Variants in CHRM1 observed in about 807,000 individuals in gnomAD.
CHRM1 encodes the protein muscarinic acetylcholine receptor M1.
Under a neutral mutation model 31.6 loss-of-function variants are expected in CHRM1, and 5 were observed. That is an observed-to-expected ratio of 0.16 (90% CI 0.08 to 0.33). The LOEUF (loss-of-function observed/expected upper bound fraction) is 0.33, where lower values mean the gene tolerates loss of function less well. Ranked by LOEUF, CHRM1 falls within the 10% of genes least tolerant of loss-of-function variation. The pLI is 1.00. For synonymous variants in CHRM1, 227 were observed against 249.7 expected (o/e 0.91, Z 0.86); for missense variants, 338 against 610.3 (o/e 0.55, Z 4.70).
chr11:62,920,723 G>C (rs557332357), intron 1 of CHRM1: 1 of 152,198 alleles, frequency 6.6e-6, no homozygotes, highest in Admixed American at 6.5e-5. Context: ...AGTCCATCTT[G>C]GGGGAGCTGA....
chr11:62,910,899 C>T lies in CHRM1; in HGVS notation c.202G>A (p.Ala68Thr). 1 of 1,614,152 alleles carries T rather than the reference C, an allele frequency of 6.2e-7. No individual in the cohort carries two copies. The highest frequency in any genetic ancestry group is 1.1e-5 in the South Asian group (1 of 91,084). The part of the protein sequence containing the change: ...TVNNYFLLSL[A>T]CADLIIGTFS... Reference sequence around the variant, plus strand: ...GTACCGATGATGAGGTCAGCACAGGCCAGGCTCAGCAGGAAGTAGTTATTG... The same window carrying T: ...GTACCGATGATGAGGTCAGCACAGGTCAGGCTCAGCAGGAAGTAGTTATTG... The change falls in exon 2 of 2, where the codon GCC becomes ACC. Residue 68 changes from alanine (A) to threonine (T), a missense_variant. Physicochemically the swap from Ala to Thr is moderately conservative, Grantham distance 58 (BLOSUM62 0). This residue lies in a region of CHRM1 where 85 missense variants were observed against 257.7 expected (regional missense o/e 0.33). Transcript: ENST00000306960. This position sits in a 1 kb window ranked among gnomAD's most constrained non-coding sequence, Gnocchi z 8.7.
At chr11:62,911,767 G>T (rs1167551199) in intron 1 of CHRM1, among the ~76,000 whole-genome samples, 1 of 152,136 alleles carries the variant, frequency 6.6e-6, no homozygotes, top group Non-Finnish European at 1.5e-5. Context: ...GAACAGAAAT[G>T]TGTCCTAAAA....
Position 62,911,040 on chromosome 11 carries a change from C to T in CHRM1, c.61G>A (p.Gly21Ser). 6.2e-7 allele frequency: 1 copy of T among 1,614,124 alleles called. No homozygotes were observed. Among genetic ancestry groups the T allele is most frequent in the Non-Finnish European group, 8.5e-7 (1 of 1,180,022 alleles). ...CCAATGAAGGCCACTTGCCAGGGACCCTTTCCTGGTGCCAGGACGGTGATG... is the reference window on the plus strand; with the variant it reads ...CCAATGAAGGCCACTTGCCAGGGACTCTTTCCTGGTGCCAGGACGGTGATG... ...PNITVLAPGK[G>S]PWQVAFIGIT... The change falls in exon 2 of 2, where the codon GGT (glycine) becomes AGT (serine). Residue 21 changes from glycine (G) to serine (S), a missense_variant. Transcript: ENST00000306960.
intron 1 of CHRM1, among the ~76,000 whole-genome samples, chr11:62,912,069 A>G (rs1159083005): frequency 1.3e-5 from 2 of 152,106 alleles, no homozygotes; most frequent in South Asian, 2.1e-4. Context: ...CTCAGTTGCT[A>G]GTAAGAAGGT....
chr11:62,913,260 G>C (rs553360149), intron 1 of CHRM1, among the ~76,000 whole-genome samples: 1 of 152,222 alleles, frequency 6.6e-6, no homozygotes, highest in Non-Finnish European at 1.5e-5. Context: ...TTCAGGTGAT[G>C]AGGATTAAAT....
chr11:62,910,045 C>G lies in CHRM1; in HGVS notation c.1056G>C (p.Arg352=). The G allele has an allele frequency of 6.2e-7, 1 of 1,613,680 alleles. No individual in the cohort carries two copies. Among genetic ancestry groups the G allele is most frequent in the Non-Finnish European group, 8.5e-7 (1 of 1,179,996 alleles). Residue 352 remains arginine, a synonymous_variant, in exon 2 of 2, where the codon CGG becomes CGC. Coordinates refer to ENST00000306960, the MANE Select transcript of CHRM1 (RefSeq NM_000738.3). This position sits in a 1 kb window ranked among gnomAD's most constrained non-coding sequence, Gnocchi z 8.7. ...TCTCCTTGACCAGCGAGAAGGTCTT[C>G]CGCTTGGCCAGCTGCTCCTTTCCAC... ...KPRGKEQLAK[R]KTFSLVKEKK...
upstream of CHRM1, chr11:62,921,524 A>C (rs1215709346): frequency 6.6e-6 from 1 of 152,460 alleles, no homozygotes; most frequent in Non-Finnish European, 1.5e-5. Context: ...TCACCAGGGC[A>C]CCCAATTTGA....
Position 62,917,217 on chromosome 11 carries a change from G to A in CHRM1, c.-79+4001C>T, listed in dbSNP as rs1590652224. On this transcript the variant is annotated intron_variant, in intron 1 of 1. Coordinates refer to ENST00000306960, the MANE Select transcript of CHRM1 (RefSeq NM_000738.3). ...TGAAAGAATCTGGTTTCCCATGATT[G>A]TGGCAGATTCCCCTGGGGAGACCAG... Among the ~76,000 whole-genome samples the A allele has an allele frequency of 2.0e-5, 3 of 152,328 alleles. No homozygotes were observed. The Middle Eastern group carries it at 0.01, about 518-fold the overall frequency.
rs772689016 is a variant in CHRM1, at chr11:62,910,253, C to G, written c.848G>C (p.Gly283Ala). 6.2e-7 allele frequency: 1 copy of G among 1,613,398 alleles called. No individual in the cohort carries two copies. Among genetic ancestry groups the G allele is most frequent in the African/African-American group, 1.3e-5 (1 of 75,026 alleles). ...SWKEEEEEDE[G>A]SMESLTSSEG... is the part of the protein sequence containing the mutation. ...TGAGGATGTGAGGGACTCCATGGAGCCTTCGTCCTCTTCCTCTTCTTCCTT... is the reference window on the plus strand; with the variant it reads ...TGAGGATGTGAGGGACTCCATGGAGGCTTCGTCCTCTTCCTCTTCTTCCTT... Residue 283 changes from glycine (G) to alanine (A), a missense_variant, in exon 2 of 2, where the codon GGC becomes GCC. Physicochemically the swap from Gly to Ala is moderately conservative, Grantham distance 60. Coordinates refer to ENST00000306960, the MANE Select transcript of CHRM1 (RefSeq NM_000738.3). The surrounding 1 kb of genome is among the most constrained non-coding windows in gnomAD (Gnocchi z 8.7).
chr11:62,909,519 C>T lies in CHRM1; in HGVS notation c.*199G>A, dbSNP rs1028448381. ...GCAGGGAACAGAAAAACCAGTTCCC[C>T]GGGTTTCCCTCCCTGCCTGGGAATA... On this transcript the variant is annotated 3_prime_UTR_variant, in exon 2 of 2. Transcript: ENST00000306960. 12 of 628,118 alleles carry T rather than the reference C, an allele frequency of 1.9e-5. No individual in the cohort carries two copies. The highest frequency in any genetic ancestry group is 3.0e-5 in the Non-Finnish European group (11 of 367,566). 38.9% of individuals were successfully genotyped at this position (628,118 alleles called of 1,614,324 possible).
chr11:62,921,830 C>T (rs1565268212), upstream of CHRM1: 1 of 151,842 alleles, frequency 6.6e-6, no homozygotes, highest in Non-Finnish European at 1.5e-5. Flanking sequence ...ACCCACCCAA[C>T]TACACACCCT....
rs1270772653 is a variant in CHRM1, at chr11:62,908,916, G to A, written c.*802C>T. On this transcript the variant is annotated 3_prime_UTR_variant, in exon 2 of 2. Transcript: ENST00000306960. ...ATCTGCATGGAGCAGATCCATCCAG[G>A]TGGTGGCTGTGAGCCAGGAGGGAGG... is the stretch of plus-strand genomic sequence containing the variant. 6.5e-6 allele frequency: 1 copy of A among 152,912 alleles called. No individual in the cohort carries two copies. Among genetic ancestry groups the A allele is most frequent in the Non-Finnish European group, 1.5e-5 (1 of 68,234 alleles). 9.5% of individuals were successfully genotyped at this position (152,912 alleles called of 1,614,324 possible).
In CHRM1 at chr11:62,909,531, C is replaced by A; in HGVS notation, c.*187G>T. On this transcript the variant is annotated 3_prime_UTR_variant, in exon 2 of 2. Coordinates refer to ENST00000306960, the MANE Select transcript of CHRM1 (RefSeq NM_000738.3). ...AAAACCAGTTCCCCGGGTTTCCCTCCCTGCCTGGGAATAGCGAAGTCTGGA... is the reference window on the plus strand; with the variant it reads ...AAAACCAGTTCCCCGGGTTTCCCTCACTGCCTGGGAATAGCGAAGTCTGGA... 1 of 667,322 alleles carries A rather than the reference C, an allele frequency of 1.5e-6. No homozygotes were observed. Among genetic ancestry groups the A allele is most frequent in the South Asian group, 2.0e-5 (1 of 49,070 alleles). The allele number at this position is 667,322 out of a possible 1,614,324, so 41.3% of individuals were successfully genotyped here.
chr11:62,916,485 T>G (rs1176912167), intron 1 of CHRM1, among the ~76,000 whole-genome samples: 1 of 152,162 alleles, frequency 6.6e-6, no homozygotes, highest in African/African-American at 2.4e-5. Context: ...CAAGGAGTCC[T>G]TGGAGGTGAG....
intron 1 of CHRM1, among the ~76,000 whole-genome samples, chr11:62,913,496 ACT>A (rs1344683904): frequency 6.6e-6 from 1 of 152,018 alleles, no homozygotes; most frequent in Non-Finnish European, 1.5e-5. Context: ...ACATAGTGAA[ACT>A]CTGTCTCTAC....
At position 62,910,252 on chromosome 11, in the gene CHRM1, G is replaced by T. The variant is rs1281601133; in HGVS notation, c.849C>A (p.Gly283=). 10 of 1,613,392 alleles carry T rather than the reference G, an allele frequency of 6.2e-6. No homozygotes were observed. The African/African-American group carries it at 1.3e-4, about 22-fold the overall frequency. ...SWKEEEEEDE[G]SMESLTSSEG... Reference sequence around the variant, plus strand: ...CTGAGGATGTGAGGGACTCCATGGAGCCTTCGTCCTCTTCCTCTTCTTCCT... The same window carrying T: ...CTGAGGATGTGAGGGACTCCATGGATCCTTCGTCCTCTTCCTCTTCTTCCT... The change falls in exon 2 of 2, where the codon GGC becomes GGA. Residue 283 remains glycine, a synonymous_variant. Coordinates refer to ENST00000306960, the MANE Select transcript of CHRM1 (RefSeq NM_000738.3). The surrounding 1 kb of genome is among the most constrained non-coding windows in gnomAD (Gnocchi z 8.7).
intron 1 of CHRM1, among the ~76,000 whole-genome samples, chr11:62,915,478 A>C (rs766261966): frequency 1.2e-4 from 19 of 152,236 alleles, no homozygotes; most frequent in Admixed American, 7.2e-4. Context: ...ACAAAGACAG[A>C]CAGCCAGCCT....
At position 62,909,220 on chromosome 11, in the gene CHRM1, CG is replaced by C. The variant is rs2085853204; in HGVS notation, c.*497del. On this transcript the variant is annotated 3_prime_UTR_variant, in exon 2 of 2. Transcript: ENST00000306960. Reference sequence around the variant, plus strand: ...AGAGTATGCCTAGGGCCCAGGTGGGCGGGCTCTGCCTATGAAGCGAGGGGAT... The same window carrying C: ...AGAGTATGCCTAGGGCCCAGGTGGGCGGCTCTGCCTATGAAGCGAGGGGAT... 6.0e-6 allele frequency: 1 copy of C among 168,042 alleles called. No homozygotes were observed. Among genetic ancestry groups the C allele is most frequent in the Non-Finnish European group, 1.3e-5 (1 of 76,982 alleles). The allele number at this position is 168,042 out of a possible 1,614,324, so 10.4% of individuals were successfully genotyped here.
chr11:62,916,244 C>G (rs191655631), intron 1 of CHRM1, among the ~76,000 whole-genome samples: 1 of 152,184 alleles, frequency 6.6e-6, no homozygotes, highest in South Asian at 2.1e-4. Flanking sequence ...GTTGGACAAG[C>G]CTGGTGTCTG....
Sources: gnomAD v4.1 joint callset for allele counts (sites outside exome capture counted in the v4.1 genomes callset) on GRCh38, gnomAD v4.1.1 for gene constraint, gnomAD v4.1.1 regional missense constraint, Gnocchi (gnomAD v3.1) non-coding constraint, MANE v1.5 for transcripts, NCBI Gene and HGNC (gene_info 2026-07-23, HGNC 2026-07-21) for gene names.